Variants in IMMP2L observed in about 807,000 individuals in gnomAD.
IMMP2L encodes mitochondrial inner membrane protease subunit 2.
In IMMP2L, 18 loss-of-function variants were observed where a neutral mutation model predicts 19.3. That is an observed-to-expected ratio of 0.93 (90% CI 0.64 to 1.38). The LOEUF is 1.38. Ranked by LOEUF, IMMP2L falls within the 40% of genes most tolerant of loss-of-function variation. IMMP2L has a pLI of 0.00. For missense variants in IMMP2L, 233 were observed against 218.2 expected (o/e 1.07, Z -0.43); for synonymous variants, 76 against 73.0 (o/e 1.04, Z -0.21).
intron 4 of IMMP2L, 129 bp downstream of exon 4, chr7:110,963,371 G>A (rs10225614): frequency 0.51 from 322,478 of 635,258 alleles, 87,243 homozygotes; most frequent in Non-Finnish European, 0.58. Context: ...CACTAAAGAT[G>A]TACCAGCTCA....
At chr7:110,739,343 A>G (rs1277821642) in intron 5 of IMMP2L, among the ~76,000 whole-genome samples, 1 of 152,154 alleles carries the variant, frequency 6.6e-6, no homozygotes, top group Non-Finnish European at 1.5e-5. Flanking sequence ...AAGGATTCAC[A>G]TAAACTTAAG....
chr7:111,559,805 A>C (rs1791810876), intron 1 of IMMP2L, among the ~76,000 whole-genome samples: 2 of 152,136 alleles, frequency 1.3e-5, no homozygotes, highest in Admixed American at 6.5e-5. Flanking sequence ...GATGGATAAG[A>C]AATCAAGCAG....
At position 111,129,239 on chromosome 7, in the gene IMMP2L, A is replaced by G. The variant is rs1801616014; in HGVS notation, c.240-165674T>C. On this transcript the variant is annotated intron_variant, in intron 3 of 5. Transcript: ENST00000405709. ...TCTAATTATATATGTCACCATTCAC[A>G]GTATCTTGGGCTTCATCACAATGCT... Among the ~76,000 whole-genome samples, 2 of 152,204 alleles carry G rather than the reference A, an allele frequency of 1.3e-5. 1 individual carries two copies. Among genetic ancestry groups the G allele is most frequent in the South Asian group, 4.1e-4 (2 of 4,828 alleles).
intron 3 of IMMP2L, among the ~76,000 whole-genome samples, chr7:111,425,567 AT>A (rs1835995627): frequency 6.6e-6 from 1 of 151,130 alleles, no homozygotes; most frequent in African/African-American, 2.4e-5. Context: ...ATATAGATAG[AT>A]AAGATAACAG....
intron 3 of IMMP2L, among the ~76,000 whole-genome samples, chr7:110,964,974 C>T (rs1232892932): frequency 1.3e-5 from 2 of 151,994 alleles, no homozygotes; most frequent in Non-Finnish European, 2.9e-5. Context: ...ACTGCAAATT[C>T]GTGAGAGACC....
intron 1 of IMMP2L, among the ~76,000 whole-genome samples, chr7:111,539,260 A>AAG (rs1159538424): frequency 2.1e-5 from 3 of 144,302 alleles, no homozygotes; most frequent in Admixed American, 6.9e-5. Context: ...GAAAGAAAGA[A>AAG]AGAAAGAAAG....
chr7:111,076,966 A>G (rs1190047349), intron 3 of IMMP2L, among the ~76,000 whole-genome samples: 2 of 152,172 alleles, frequency 1.3e-5, no homozygotes, highest in Admixed American at 1.3e-4. Flanking sequence ...TCAATAGTGA[A>G]TGAGGTCTCT....
chr7:111,366,940 G>A (rs7807802), intron 3 of IMMP2L, among the ~76,000 whole-genome samples: 3,272 of 151,942 alleles, frequency 0.022, 123 homozygotes, highest in African/African-American at 0.075. Flanking sequence ...CCTAGCTTTA[G>A]AAGAATATAG....
At chr7:111,072,534 A>G (rs1795041656) in intron 3 of IMMP2L, among the ~76,000 whole-genome samples, 1 of 149,194 alleles carries the variant, frequency 6.7e-6, no homozygotes, top group African/African-American at 2.5e-5. Flanking sequence ...AATAAAAGAC[A>G]TTCCACAAAA....
At chr7:111,303,746 A>G (rs1056332713) in intron 3 of IMMP2L, among the ~76,000 whole-genome samples, 4 of 152,096 alleles carry the variant, frequency 2.6e-5, no homozygotes, top group Admixed American at 1.3e-4. Context: ...CAATTTTTAA[A>G]AAGGAAACAC....
chr7:110,839,221 C>T (rs61355032), intron 5 of IMMP2L, among the ~76,000 whole-genome samples: 15,601 of 151,940 alleles, frequency 0.1, 1,397 homozygotes, highest in African/African-American at 0.25. Flanking sequence ...TAATTCCATT[C>T]GCTATTAGCA....
At chr7:111,473,066 T>C (rs1841409904) in intron 3 of IMMP2L, among the ~76,000 whole-genome samples, 3 of 152,182 alleles carry the variant, frequency 2.0e-5, no homozygotes, top group Non-Finnish European at 4.4e-5. Context: ...AATAAAACTA[T>C]TATTGTCATT....
At chr7:111,493,811 T>A (rs1388780401) in intron 2 of IMMP2L, among the ~76,000 whole-genome samples, 1 of 150,486 alleles carries the variant, frequency 6.6e-6, no homozygotes, top group Non-Finnish European at 1.5e-5. Context: ...ATCGAGATCA[T>A]CCTGGCTCAA....
chr7:111,059,543 C>T (rs919122371), intron 3 of IMMP2L, among the ~76,000 whole-genome samples: 9 of 152,144 alleles, frequency 5.9e-5, no homozygotes, highest in South Asian at 2.1e-4. Context: ...ACTAACACTT[C>T]ATGAGGGGAG....
chr7:110,729,117 T>C (rs6964559), intron 5 of IMMP2L, among the ~76,000 whole-genome samples: 26,678 of 152,032 alleles, frequency 0.18, 4,627 homozygotes, highest in African/African-American at 0.45. Flanking sequence ...ACTCCTGACC[T>C]CGTGATCTGC....
chr7:110,913,562 G>A (rs1813280147), intron 4 of IMMP2L, among the ~76,000 whole-genome samples: 1 of 151,982 alleles, frequency 6.6e-6, no homozygotes, highest in Admixed American at 6.6e-5. Context: ...GGTATATGAG[G>A]AAACTTCAAA....
intron 3 of IMMP2L, among the ~76,000 whole-genome samples, chr7:111,260,549 T>A (rs961234549): frequency 1.3e-5 from 2 of 152,090 alleles, no homozygotes; most frequent in African/African-American, 4.8e-5. Flanking sequence ...AACAACAAAG[T>A]AGATTCAAAA....
chr7:110,788,249 A>C (rs1800221914), intron 5 of IMMP2L, among the ~76,000 whole-genome samples: 1 of 152,042 alleles, frequency 6.6e-6, no homozygotes, highest in African/African-American at 2.4e-5. Flanking sequence ...TTGAACCCTC[A>C]CTAAGCTGGG....
At chr7:111,460,686 C>CA (rs201707810) in intron 3 of IMMP2L, among the ~76,000 whole-genome samples, 13 of 148,036 alleles carry the variant, frequency 8.8e-5, no homozygotes, top group South Asian at 2.1e-4. Context: ...CCACAATTGC[C>CA]AAAAAAAAAG....
Sources: gnomAD v4.1 joint callset for allele counts (sites outside exome capture counted in the v4.1 genomes callset) on GRCh38, gnomAD v4.1.1 for gene constraint, MANE v1.5 for transcripts, NCBI Gene and HGNC (gene_info 2026-07-23, HGNC 2026-07-21) for gene names.